TOR1AIP1: variants seen among roughly 807,000 people sequenced by gnomAD.
TOR1AIP1 encodes the protein torsin-1A-interacting protein 1.
Under a neutral mutation model 63.3 loss-of-function variants are expected in TOR1AIP1, and 54 were observed. That is an observed-to-expected ratio of 0.85 (90% CI 0.69 to 1.07). The LOEUF is 1.07. Ranked by LOEUF, TOR1AIP1 falls within the 50% of genes least tolerant of loss-of-function variation. The pLI is 0.00. For missense variants in TOR1AIP1, 736 were observed against 715.0 expected, an observed-to-expected ratio of 1.03 and a Z score of -0.33; for synonymous variants, 294 against 273.5, an observed-to-expected ratio of 1.07 and a Z score of -0.74.
rs146164995 is a variant in TOR1AIP1, at chr1:179,889,335, G to A, written c.576G>A (p.Arg192=). 2.3e-4 allele frequency: 375 copies of A among 1,607,466 alleles called. 1 individual carries two copies. In the African/African-American group the frequency reaches 3.6e-3, roughly 15 times the overall value. The stretch of plus-strand genomic sequence containing the variant: ...CAGTGAGTGAAGATCTTGTAATCAG[G>A]TTACGTCGACCCCCTCTAAGATACC... ...EAPVSEDLVI[R]LRRPPLRYPR... Residue 192 remains arginine (R), a synonymous_variant, in exon 3 of 10, where the codon AGG becomes AGA. Transcript: ENST00000606911.
intron 8 of TOR1AIP1, among the ~76,000 whole-genome samples, chr1:179,910,682 T>TATC (rs755466105): frequency 6.6e-6 from 1 of 152,190 alleles, no homozygotes; most frequent in South Asian, 2.1e-4. Context: ...TAAAATTAAA[T>TATC]TTGAAGACCC....
intron 6 of TOR1AIP1, among the ~76,000 whole-genome samples, chr1:179,904,277 C>T (rs928464055): frequency 6.6e-6 from 1 of 152,142 alleles, no homozygotes; most frequent in Non-Finnish European, 1.5e-5. Context: ...AATGTCTTTG[C>T]TAGCAGTATA....
At chr1:179,893,760 T>C (rs114994735) in intron 3 of TOR1AIP1, among the ~76,000 whole-genome samples, 24 of 152,222 alleles carry the variant, frequency 1.6e-4, no homozygotes, top group African/African-American at 5.5e-4. Context: ...TAAAACTATC[T>C]GTACCAGGGG....
Position 179,882,870 on chromosome 1 carries a change from A to G in TOR1AIP1, c.368A>G (p.Lys123Arg), listed in dbSNP as rs1360924471. Residue 123 changes from lysine to arginine, a missense_variant, in exon 1 of 10, where the codon AAG becomes AGG. Physicochemically the swap from Lys to Arg is conservative, Grantham distance 26 (BLOSUM62 2). Transcript: ENST00000606911. ...CGACCCCAGGAAACCGAGGAAATGA[A>G]GACGCGAAGGACTACCCGCCTTCAG... The part of the protein sequence containing the change: ...QPRPQETEEM[K>R]TRRTTRLQQQ... 1.2e-6 allele frequency: 2 copies of G among 1,614,220 alleles called. No homozygotes were observed. Among genetic ancestry groups the G allele is most frequent in the Admixed American group, 3.3e-5 (2 of 60,036 alleles).
chr1:179,913,988 T>C lies in TOR1AIP1; in HGVS notation c.908-10T>C. On this transcript the variant is annotated splice_polypyrimidine_tract_variant and intron_variant, in intron 8 of 9. Transcript: ENST00000606911. ...AGTTGATAGTCTTATTTTATTACTC[T>C]CACCATTAGATGACAGCATTCTGAA... 6.2e-7 allele frequency: 1 copy of C among 1,612,014 alleles called. No individual in the cohort carries two copies. The highest frequency in any genetic ancestry group is 8.5e-7 in the Non-Finnish European group (1 of 1,178,598).
At chr1:179,906,225 G>A (rs140686129) in intron 6 of TOR1AIP1, among the ~76,000 whole-genome samples, 72 of 152,162 alleles carry the variant, frequency 4.7e-4, no homozygotes, top group Admixed American at 9.8e-4. Flanking sequence ...TTTAGTATAG[G>A]CTGAAAACAA....
intron 3 of TOR1AIP1, among the ~76,000 whole-genome samples, chr1:179,890,044 G>T (rs146512023): frequency 2.0e-5 from 3 of 152,144 alleles, no homozygotes; most frequent in African/African-American, 7.2e-5. Context: ...TAAAGAGATT[G>T]TTTCTTATAT....
In TOR1AIP1 at chr1:179,882,698, G is replaced by A. The variant is rs776720850; in HGVS notation, c.196G>A (p.Val66Met). The change falls in exon 1 of 10, where the codon GTG (valine) becomes ATG (methionine). Residue 66 changes from valine (V) to methionine (M), a missense_variant. Val to Met is a conservative substitution (Grantham distance 21). Around this residue, in one of 2 missense-constraint regions of TOR1AIP1, gnomAD observed 464 missense variants for 371.0 expected, o/e 1.25. Coordinates refer to ENST00000606911, the MANE Select transcript of TOR1AIP1 (RefSeq NM_015602.4). ...GAGGTTCTCGGACGAGCCGCCAGAA[G>A]TGTACGGCGACTTCGAGCCCCTGGT... ...EVRFSDEPPE[V>M]YGDFEPLVAK... 2 of 1,612,188 alleles carry A rather than the reference G, an allele frequency of 1.2e-6. No homozygotes were observed. Among genetic ancestry groups the A allele is most frequent in the East Asian group, 2.2e-5 (1 of 44,870 alleles).
In TOR1AIP1 at chr1:179,917,394, T is replaced by G. The variant is rs1047857231; in HGVS notation, c.965-58T>G. On this transcript the variant is annotated intron_variant, in intron 9 of 9. Coordinates refer to ENST00000606911, the MANE Select transcript of TOR1AIP1 (RefSeq NM_015602.4). ...ACTGATATTGATTTTAAAAGTCACT[T>G]GCCCCTGAATCTAAGAAAGTGGTAT... The G allele has an allele frequency of 2.8e-6, 4 of 1,434,196 alleles. No individual in the cohort carries two copies. The African/African-American group carries it at 5.7e-5, about 21-fold the overall frequency. The allele number at this position is 1,434,196 out of a possible 1,614,324, so 88.8% of individuals were successfully genotyped here. A position where few individuals can be genotyped will look rare whatever the true frequency, so the allele number is the denominator to read the frequency against.
intron 8 of TOR1AIP1, chr1:179,913,459 G>C (rs779407805): frequency 4.7e-6 from 3 of 637,424 alleles, no homozygotes; most frequent in African/African-American, 1.8e-5. Context: ...AGAATCCCCA[G>C]AGGAAATACT....
intron 3 of TOR1AIP1, among the ~76,000 whole-genome samples, chr1:179,896,390 A>G (rs1648268098): frequency 1.3e-5 from 2 of 151,908 alleles, no homozygotes; most frequent in African/African-American, 4.8e-5. Flanking sequence ...ATTACAAGGC[A>G]TGAGCCACCA....
At position 179,920,028 on chromosome 1, in the gene TOR1AIP1, A is replaced by G. The variant is rs1212549604; in HGVS notation, c.*1789A>G. 5 of 152,216 alleles carry G rather than the reference A, an allele frequency of 3.3e-5. No homozygotes were observed. The highest frequency in any genetic ancestry group is 3.3e-4 in the Admixed American group (5 of 15,284). The allele number at this position is 152,216 out of a possible 1,614,324, so 9.4% of individuals were successfully genotyped here. A position where few individuals can be genotyped will look rare whatever the true frequency, so the allele number is the denominator to read the frequency against. On this transcript the variant is annotated 3_prime_UTR_variant, in exon 10 of 10. Coordinates refer to ENST00000606911, the MANE Select transcript of TOR1AIP1 (RefSeq NM_015602.4). ...GCAGCTGATCTGTAAATGACTTTAA[A>G]AGCTATTTTAGTAATTTAAATAAAT...
chr1:179,913,093 G>A (rs1180870725), intron 8 of TOR1AIP1, among the ~76,000 whole-genome samples: 1 of 151,844 alleles, frequency 6.6e-6, no homozygotes, highest in Non-Finnish European at 1.5e-5. Flanking sequence ...GAAAGGGAAG[G>A]GTTAGGATCA....
intron 6 of TOR1AIP1, 22 bp from the exon 7 acceptor site, chr1:179,907,801 T>C (rs755386994): frequency 6.3e-7 from 1 of 1,582,634 alleles, no homozygotes; most frequent in Non-Finnish European, 8.6e-7. Flanking sequence ...TTCTATGACC[T>C]TATCCCTGTT....
chr1:179,913,737 C>G, intron 8 of TOR1AIP1: 1 of 690,348 alleles, frequency 1.4e-6, no homozygotes, highest in Non-Finnish European at 2.6e-6. Context: ...TACTTCCAAA[C>G]TTTCTCTCAA....
chr1:179,894,684 C>G (rs1267154734), intron 3 of TOR1AIP1, among the ~76,000 whole-genome samples: 2 of 150,888 alleles, frequency 1.3e-5, no homozygotes, highest in Non-Finnish European at 3.0e-5. Context: ...AAGACTCCAT[C>G]TCAAAAAAAA....
intron 6 of TOR1AIP1, among the ~76,000 whole-genome samples, chr1:179,906,624 C>A (rs1648640857): frequency 6.6e-6 from 1 of 151,962 alleles, no homozygotes; most frequent in Non-Finnish European, 1.5e-5. Flanking sequence ...ATAGTACATA[C>A]CATTTCTTTA....
At chr1:179,916,706 T>TTC (rs1558047965) in intron 9 of TOR1AIP1, among the ~76,000 whole-genome samples, 2 of 138,788 alleles carry the variant, frequency 1.4e-5, no homozygotes, top group East Asian at 2.1e-4. Flanking sequence ...TTTTCTTTTT[T>TTC]TTTTTTTTTT....
chr1:179,889,443 A>T, intron 3 of TOR1AIP1, 74 bp downstream of exon 3: 1 of 1,255,158 alleles, frequency 8.0e-7, no homozygotes, highest in Admixed American at 1.9e-5. Flanking sequence ...TTGTACATGT[A>T]TTCATATGAT....
Sources: gnomAD v4.1 joint callset for allele counts (sites outside exome capture counted in the v4.1 genomes callset) on GRCh38, gnomAD v4.1.1 for gene constraint, gnomAD v4.1.1 regional missense constraint, MANE v1.5 for transcripts, NCBI Gene and HGNC (gene_info 2026-07-23, HGNC 2026-07-21) for gene names.